Variants in PLEKHB2 observed in about 807,000 individuals in gnomAD.
PLEKHB2 encodes the protein pleckstrin homology domain-containing family B member 2.
In PLEKHB2, 31 loss-of-function variants were observed where a neutral mutation model predicts 36.5. That is an observed-to-expected ratio of 0.85 (90% confidence interval 0.64 to 1.15). The LOEUF (loss-of-function observed/expected upper bound fraction) is 1.15. Among genes scored for constraint, PLEKHB2 ranks in the 50% most tolerant of loss-of-function variants. The probability of loss-of-function intolerance (pLI) is 0.00; values close to 1 mark genes in which losing one functional copy is unlikely to be tolerated. For missense variants in PLEKHB2, 262 were observed against 295.3 expected, an observed-to-expected ratio of 0.89 and a Z score of 0.83; for synonymous variants, 119 against 112.0, an observed-to-expected ratio of 1.06 and a Z score of -0.39.
At chr2:131,108,116 A>G (rs749633329) in intron 1 of PLEKHB2, 28 of 152,216 alleles carry the variant, frequency 1.8e-4, no homozygotes, top group Admixed American at 1.8e-3. Flanking sequence ...AGGTCATACT[A>G]GTGAGTAGAA....
At position 131,140,269 on chromosome 2, in the gene PLEKHB2, T is replaced by C; in HGVS notation, c.526T>C (p.Tyr176His). Residue 176 changes from tyrosine to histidine, a missense_variant, in exon 7 of 8, where the codon TAT becomes CAT. Transcript: ENST00000693505. ...GTATGCCGTGCCCTACCAGTACCCATATGCAGGTAACTCACGCCGGCCTTT... is the reference window on the plus strand; with the variant it reads ...GTATGCCGTGCCCTACCAGTACCCACATGCAGGTAACTCACGCCGGCCTTT... ...QAYAVPYQYP[Y>H]AGLYGQQPAN... The C allele has an allele frequency of 6.4e-7, 1 of 1,574,112 alleles. No homozygotes were observed. Among genetic ancestry groups the C allele is most frequent in the South Asian group, 1.1e-5 (1 of 89,666 alleles).
chr2:131,121,316 T>G (rs1165334642), intron 2 of PLEKHB2, among the ~76,000 whole-genome samples: 1 of 152,236 alleles, frequency 6.6e-6, no homozygotes, highest in African/African-American at 2.4e-5. Flanking sequence ...TGGCGCGATC[T>G]CGGCTCACCG....
intron 1 of PLEKHB2, among the ~76,000 whole-genome samples, chr2:131,111,574 T>A (rs1023949559): frequency 3.3e-5 from 5 of 150,542 alleles, no homozygotes; most frequent in Non-Finnish European, 7.4e-5. Context: ...CACTGCAAGC[T>A]CCGCCTCCCG....
At chr2:131,108,465 A>G (rs1195553333) in intron 1 of PLEKHB2, among the ~76,000 whole-genome samples, 1 of 152,190 alleles carries the variant, frequency 6.6e-6, no homozygotes, top group Non-Finnish European at 1.5e-5. Flanking sequence ...GAAATTCAGC[A>G]TGCTAAGGCA....
chr2:131,114,577 T>C (rs1695666675), intron 1 of PLEKHB2, among the ~76,000 whole-genome samples: 1 of 152,234 alleles, frequency 6.6e-6, no homozygotes, highest in South Asian at 2.1e-4. Flanking sequence ...ACTTTTATGC[T>C]CTGCTTCTTC....
intron 4 of PLEKHB2, among the ~76,000 whole-genome samples, chr2:131,128,918 A>G (rs1697367040): frequency 6.6e-6 from 1 of 151,230 alleles, no homozygotes; most frequent in Admixed American, 6.7e-5. Context: ...CAAAATCTAT[A>G]TAAGATATAT....
At chr2:131,123,178 C>T (rs185945058) in intron 2 of PLEKHB2, among the ~76,000 whole-genome samples, 55 of 152,282 alleles carry the variant, frequency 3.6e-4, no homozygotes, top group African/African-American at 1.2e-3. Flanking sequence ...TGTATTCAGA[C>T]GATTTACTCT....
chr2:131,125,834 G>C lies in PLEKHB2; in HGVS notation c.119G>C (p.Arg40Pro), dbSNP rs200916470. The C allele has an allele frequency of 1.2e-6, 2 of 1,613,390 alleles. No individual in the cohort carries two copies. The highest frequency in any genetic ancestry group is 8.5e-7 in the Non-Finnish European group (1 of 1,179,706). ...CTGATCTATTATGATGACCAGACTCGGCAGAATATCGAGGATAAGGTCCAC... is the reference window on the plus strand; with the variant it reads ...CTGATCTATTATGATGACCAGACTCCGCAGAATATCGAGGATAAGGTCCAC... ...GHLIYYDDQTRQNIEDKVHMP... is the reference protein window; with the variant it reads ...GHLIYYDDQTPQNIEDKVHMP... Residue 40 changes from arginine to proline, a missense_variant, in exon 3 of 8, where the codon CGG (arginine) becomes CCG (proline). Transcript: ENST00000693505.
chr2:131,145,543 C>G (rs970223054), intron 7 of PLEKHB2, among the ~76,000 whole-genome samples: 26 of 152,168 alleles, frequency 1.7e-4, no homozygotes, highest in African/African-American at 6.3e-4. Flanking sequence ...CTGTGTTGGC[C>G]AGGCTGGTCT....
At chr2:131,145,763 G>A (rs892079491) in intron 7 of PLEKHB2, among the ~76,000 whole-genome samples, 1 of 152,154 alleles carries the variant, frequency 6.6e-6, no homozygotes, top group Non-Finnish European at 1.5e-5. Context: ...AGAGCAAACA[G>A]TATATTTCCA....
At chr2:131,135,593 G>C (rs540901253) in intron 6 of PLEKHB2, among the ~76,000 whole-genome samples, 6 of 151,934 alleles carry the variant, frequency 3.9e-5, no homozygotes, top group Non-Finnish European at 7.4e-5. Context: ...CCTGATTTTA[G>C]GGGGGATGTA....
At chr2:131,136,179 C>T (rs1306071310) in intron 6 of PLEKHB2, among the ~76,000 whole-genome samples, 5 of 134,802 alleles carry the variant, frequency 3.7e-5, no homozygotes, top group Admixed American at 3.1e-4. Context: ...CTCCCTCCCT[C>T]CCTCTCTCCT....
chr2:131,118,477 A>C lies in PLEKHB2; in HGVS notation c.-8-2457A>C, dbSNP rs1056087842. Among the ~76,000 whole-genome samples the C allele has an allele frequency of 3.3e-5, 5 of 152,238 alleles. No homozygotes were observed. In the East Asian group the frequency reaches 9.6e-4, roughly 29 times the overall value. ...AGTCAACCATGCTTAGATATGGGGA[A>C]GGAGCTACATTAGAGACTCATTTGT... On this transcript the variant is annotated intron_variant, in intron 1 of 7. Transcript: ENST00000693505.
In PLEKHB2 at chr2:131,140,231, C is replaced by T. The variant is rs1367498409; in HGVS notation, c.488C>T (p.Ala163Val). The T allele has an allele frequency of 8.1e-6, 13 of 1,612,838 alleles. No homozygotes were observed. In the East Asian group the frequency reaches 1.1e-4, roughly 14 times the overall value. Residue 163 changes from alanine to valine, a missense_variant, in exon 7 of 8, where the codon GCG becomes GTG. Physicochemically the swap from Ala to Val is moderately conservative, Grantham distance 64 (BLOSUM62 0). Transcript: ENST00000693505. ...CCAGGAACTCAAGTTGTCTACGCTG[C>T]GAATGGGCAGGCGTATGCCGTGCCC... The part of the protein sequence containing the change: ...YPPGTQVVYA[A>V]NGQAYAVPYQ...
In PLEKHB2 at chr2:131,126,978, C is replaced by T. The variant is rs116497108; in HGVS notation, c.293+192C>T. 1.4e-3 allele frequency: 748 copies of T among 544,180 alleles called. 7 individuals are homozygous for T. The highest frequency in any genetic ancestry group is 0.013 in the African/African-American group (679 of 52,684). 33.7% of individuals were successfully genotyped at this position (544,180 alleles called of 1,614,324 possible). A position where few individuals can be genotyped will look rare whatever the true frequency, so the allele number is the denominator to read the frequency against. Reference sequence around the variant, plus strand: ...TCTGCCTCTCTCAGACTGCCTAGGCCGATCCCATTGTGGTGAAAATGGCAG... The same window carrying T: ...TCTGCCTCTCTCAGACTGCCTAGGCTGATCCCATTGTGGTGAAAATGGCAG... On this transcript the variant is annotated intron_variant, in intron 4 of 7. Coordinates refer to ENST00000693505, the MANE Select transcript of PLEKHB2 (RefSeq NM_001100623.2).
chr2:131,131,248 G>A (rs949895940), intron 5 of PLEKHB2, among the ~76,000 whole-genome samples: 4 of 152,220 alleles, frequency 2.6e-5, no homozygotes, highest in Admixed American at 2.0e-4. Flanking sequence ...GAGGCACCCT[G>A]CTCTTACAGG....
chr2:131,146,609 G>T (rs761229212), intron 7 of PLEKHB2, 28 bp from the exon 8 acceptor site: 2 of 1,595,446 alleles, frequency 1.3e-6, no homozygotes, highest in South Asian at 2.3e-5. Context: ...CCGCTGCTCA[G>T]AAATCTGCTA....
At chr2:131,142,872 T>C (rs964317327) in intron 7 of PLEKHB2, among the ~76,000 whole-genome samples, 2 of 152,066 alleles carry the variant, frequency 1.3e-5, no homozygotes, top group African/African-American at 2.4e-5. Flanking sequence ...CTAGTTCTTT[T>C]TTTCTCCCCC....
intron 2 of PLEKHB2, among the ~76,000 whole-genome samples, chr2:131,124,155 T>C (rs1452583350): frequency 2.6e-5 from 4 of 152,092 alleles, no homozygotes; most frequent in African/African-American, 9.7e-5. Flanking sequence ...TATTTGGTAG[T>C]TTCTGCACAG....
Sources: allele counts gnomAD v4.1 joint callset (sites outside exome capture counted in the v4.1 genomes callset), GRCh38; gene constraint gnomAD v4.1.1; transcripts MANE v1.5; gene names NCBI Gene and HGNC (gene_info 2026-07-23, HGNC 2026-07-21).